The following PLCB4 variants were observed in gnomAD, a reference collection of about 807,000 sequenced individuals.
PLCB4 encodes the protein 1-phosphatidylinositol 4,5-bisphosphate phosphodiesterase beta-4.
A neutral mutation model predicts 178.8 loss-of-function variants in PLCB4; 77 were observed. The ratio of observed to expected loss-of-function variants is 0.43; its 90% CI spans 0.36 to 0.52. The LOEUF is 0.52. PLCB4 is among the 20% of genes least tolerant of loss of function. The pLI, the probability that PLCB4 is intolerant of heterozygous loss-of-function variation, is 0.00. For missense variants in PLCB4, 1,024 were observed against 1,453.4 expected (o/e 0.70, Z 4.80); for synonymous variants, 496 against 490.8 (o/e 1.01, Z -0.14).
At chr20:9,110,303 A>G (rs1000376439) in intron 2 of PLCB4, among the ~76,000 whole-genome samples, 2 of 152,206 alleles carry the variant, frequency 1.3e-5, no homozygotes, top group African/African-American at 4.8e-5. Flanking sequence ...ATTTATTTCA[A>G]TGAAATATGA....
intron 28 of PLCB4, 33 bp from the exon 29 acceptor site, chr20:9,435,527 A>C: frequency 8.3e-7 from 1 of 1,205,480 alleles, no homozygotes; most frequent in Non-Finnish European, 1.2e-6. Context: ...AAAACAGAGA[A>C]TTAACGGCTC....
chr20:9,106,424 G>A (rs1041129983), intron 2 of PLCB4, among the ~76,000 whole-genome samples: 4 of 151,412 alleles, frequency 2.6e-5, no homozygotes, highest in African/African-American at 7.3e-5. Flanking sequence ...GCACTGAAGG[G>A]CCATATTTTC....
At chr20:9,334,900 G>C (rs1335402420) in intron 4 of PLCB4, among the ~76,000 whole-genome samples, 1 of 152,076 alleles carries the variant, frequency 6.6e-6, no homozygotes, top group Non-Finnish European at 1.5e-5. Flanking sequence ...GGGGTACTCA[G>C]GGGGGAAGGA....
chr20:9,455,369 C>A (rs954068209), intron 33 of PLCB4, among the ~76,000 whole-genome samples: 7 of 152,078 alleles, frequency 4.6e-5, no homozygotes, highest in African/African-American at 1.7e-4. Flanking sequence ...AATTTCTTTG[C>A]TAAAAATAAT....
intron 3 of PLCB4, among the ~76,000 whole-genome samples, chr20:9,225,176 C>T (rs2093848205): frequency 6.6e-6 from 1 of 152,076 alleles, no homozygotes; most frequent in Non-Finnish European, 1.5e-5. Flanking sequence ...TATGGGTATA[C>T]TACCCATATA....
At chr20:9,321,632 T>C (rs755517138) in intron 4 of PLCB4, among the ~76,000 whole-genome samples, 62 of 152,010 alleles carry the variant, frequency 4.1e-4, no homozygotes, top group Non-Finnish European at 1.2e-4. Flanking sequence ...TTTAGGTTTT[T>C]TGTTTTTTGT....
chr20:9,167,139 G>A (rs1446977699), intron 2 of PLCB4, among the ~76,000 whole-genome samples: 1 of 151,942 alleles, frequency 6.6e-6, no homozygotes, highest in East Asian at 1.9e-4. Flanking sequence ...TTCTTGGTGT[G>A]TTTTATTTAT....
intron 28 of PLCB4, among the ~76,000 whole-genome samples, chr20:9,432,867 C>T (rs927577043): frequency 6.6e-6 from 1 of 152,186 alleles, no homozygotes; most frequent in African/African-American, 2.4e-5. Flanking sequence ...CATTGCATTT[C>T]CTCTCTAAGC....
chr20:9,255,860 C>T (rs1030641024), intron 3 of PLCB4, among the ~76,000 whole-genome samples: 7 of 151,998 alleles, frequency 4.6e-5, no homozygotes, highest in African/African-American at 1.7e-4. Flanking sequence ...CTGGACTTGG[C>T]CCATTGACCA....
chr20:9,077,253 CTTTG>C (rs1271459681), intron 1 of PLCB4, among the ~76,000 whole-genome samples: 1 of 152,148 alleles, frequency 6.6e-6, no homozygotes, highest in Admixed American at 6.5e-5. Flanking sequence ...GATTCAAGAT[CTTTG>C]TTCGTAGGTC....
rs142099375 is a variant in PLCB4, at chr20:9,370,140, C to A, written c.504-1074C>A. Among the ~76,000 whole-genome samples, 566 of 152,306 alleles carry A rather than the reference C, an allele frequency of 3.7e-3. 8 individuals are homozygous for A. The highest frequency in any genetic ancestry group is 0.013 in the African/African-American group (547 of 41,568). ...ATTTATAATGGAGAGTCTCTCCTAACTTTTATCATCACCAGGAAGTGTGTT... is the reference window on the plus strand; with the variant it reads ...ATTTATAATGGAGAGTCTCTCCTAAATTTTATCATCACCAGGAAGTGTGTT... On this transcript the variant is annotated intron_variant, in intron 9 of 39. Transcript: ENST00000378473.
intron 2 of PLCB4, among the ~76,000 whole-genome samples, chr20:9,189,538 G>A (rs2093372296): frequency 6.6e-6 from 1 of 152,218 alleles, no homozygotes; most frequent in Non-Finnish European, 1.5e-5. Flanking sequence ...CATATGCACT[G>A]TAGGATGCTT....
chr20:9,353,319 T>G (rs2034504481), intron 7 of PLCB4, among the ~76,000 whole-genome samples: 1 of 152,314 alleles, frequency 6.6e-6, no homozygotes, highest in South Asian at 2.1e-4. Flanking sequence ...TCATCTTTCT[T>G]GCAGCAACAG....
At chr20:9,364,600 C>G (rs755565993) in intron 8 of PLCB4, among the ~76,000 whole-genome samples, 7 of 152,236 alleles carry the variant, frequency 4.6e-5, no homozygotes, top group Non-Finnish European at 8.8e-5. Context: ...CCATCTGAAA[C>G]CACAACTTTG....
Position 9,403,999 on chromosome 20 carries a change from G to A in PLCB4, c.1612-1314G>A, listed in dbSNP as rs543664823. On this transcript the variant is annotated intron_variant, in intron 20 of 39. Transcript: ENST00000378473. Reference sequence around the variant, plus strand: ...ACAGATATGAATGACTAGAGACTATGCTTTTGAGAAGTTTTGATGTGAAGG... The same window carrying A: ...ACAGATATGAATGACTAGAGACTATACTTTTGAGAAGTTTTGATGTGAAGG... Among the ~76,000 whole-genome samples, 37 of 152,302 alleles carry A rather than the reference G, an allele frequency of 2.4e-4. 1 individual carries two copies. The highest frequency in any genetic ancestry group is 8.4e-4 in the African/African-American group (35 of 41,560).
chr20:9,114,115 G>A (rs1258542139), intron 2 of PLCB4, among the ~76,000 whole-genome samples: 2 of 152,176 alleles, frequency 1.3e-5, no homozygotes, highest in African/African-American at 4.8e-5. Context: ...TCGGGAGGCT[G>A]ATGCAGGAGA....
intron 4 of PLCB4, among the ~76,000 whole-genome samples, chr20:9,329,699 A>T (rs1397421834): frequency 6.6e-6 from 1 of 152,214 alleles, no homozygotes; most frequent in Non-Finnish European, 1.5e-5. Context: ...ATTTTGTCTG[A>T]CAGATTTTTT....
intron 2 of PLCB4, among the ~76,000 whole-genome samples, chr20:9,128,188 T>G (rs7264404): frequency 0.11 from 16,883 of 151,810 alleles, 1,170 homozygotes; most frequent in South Asian, 0.26. Flanking sequence ...TTTAAAAGAG[T>G]GTGGTATGTC....
chr20:9,239,873 A>C (rs2094037915), intron 3 of PLCB4, among the ~76,000 whole-genome samples: 1 of 152,194 alleles, frequency 6.6e-6, no homozygotes, highest in Non-Finnish European at 1.5e-5. Flanking sequence ...AAGCTGAAGA[A>C]CTTGGAGTCC....
Sources: gnomAD v4.1 joint callset for allele counts (sites outside exome capture counted in the v4.1 genomes callset) on GRCh38, gnomAD v4.1.1 for gene constraint, MANE v1.5 for transcripts, NCBI Gene and HGNC (gene_info 2026-07-23, HGNC 2026-07-21) for gene names.